Variants in BEGAIN observed in about 807,000 individuals in gnomAD.
BEGAIN encodes the protein brain-enriched guanylate kinase-associated protein.
In BEGAIN, 19 loss-of-function variants were observed where a neutral mutation model predicts 35.8. The observed-to-expected ratio is 0.53, with a 90% confidence interval of 0.37 to 0.78. The LOEUF (loss-of-function observed/expected upper bound fraction) is 0.78. Ranked by LOEUF, BEGAIN falls within the 30% of genes least tolerant of loss-of-function variation. The pLI is 0.00. For synonymous variants in BEGAIN, 462 were observed against 388.6 expected (o/e 1.19, Z -2.22); for missense variants, 795 against 853.6 (o/e 0.93, Z 0.85).
At chr14:100,556,349 C>A (rs975190132) in intron 2 of BEGAIN, among the ~76,000 whole-genome samples, 30 of 152,224 alleles carry the variant, frequency 2.0e-4, no homozygotes, top group African/African-American at 7.0e-4. Flanking sequence ...CGCTGCCCCC[C>A]TCTTTCTGCA....
At position 100,573,873 on chromosome 14, in the gene BEGAIN, C is replaced by T. The variant is rs1341481057; in HGVS notation, c.43-5934G>A. 6.6e-6 allele frequency among the ~76,000 whole-genome samples: 1 copy of T among 151,450 alleles called. No individual in the cohort carries two copies. The highest frequency in any genetic ancestry group is 2.4e-5 in the African/African-American group (1 of 41,176). Reference sequence around the variant, plus strand: ...CGGTGGGAGGCGACAGGGGCTGGGACAGAGCCCGGGACTCTGCCACTGTTG... The same window carrying T: ...CGGTGGGAGGCGACAGGGGCTGGGATAGAGCCCGGGACTCTGCCACTGTTG... On this transcript the variant is annotated intron_variant, in intron 1 of 6. Transcript: ENST00000554140. This position sits in a 1 kb window ranked among gnomAD's most constrained non-coding sequence, Gnocchi z 4.2.
chr14:100,547,036 C>T (rs1306693265), intron 2 of BEGAIN: 2 of 169,496 alleles, frequency 1.2e-5, no homozygotes, highest in East Asian at 3.1e-4. Flanking sequence ...CCCATCAGCA[C>T]CCAGGCTATC....
chr14:100,557,125 C>T (rs56995385), intron 2 of BEGAIN, among the ~76,000 whole-genome samples: 31 of 78,004 alleles, frequency 4.0e-4, no homozygotes, highest in African/African-American at 2.3e-3. Context: ...CAGCGCGGGC[C>T]CTGCCGGCCT....
Position 100,539,245 on chromosome 14 carries a change from A to C in BEGAIN, c.563T>G (p.Leu188Arg). The change falls in exon 7 of 7, where the codon CTC becomes CGC. Residue 188 changes from leucine to arginine, a missense_variant. Transcript: ENST00000554140. ...EKHGCSLPSPLCHPAYADSVP... is the reference protein window; with the variant it reads ...EKHGCSLPSPRCHPAYADSVP... ...GCTGTCGGCGTAGGCCGGGTGGCAG[A>C]GCGGGGATGGCAGGCTGCAGCCGTG... is the stretch of plus-strand genomic sequence containing the variant. 1 of 1,588,770 alleles carries C rather than the reference A, an allele frequency of 6.3e-7. No individual in the cohort carries two copies.
rs1269365899 is a variant in BEGAIN at position 100,573,098 on chromosome 14, G to T, written c.43-5159C>A. Among the ~76,000 whole-genome samples the T allele has an allele frequency of 4.0e-5, 6 of 151,730 alleles. No homozygotes were observed. Among genetic ancestry groups the T allele is most frequent in the Admixed American group, 1.3e-4 (2 of 15,236 alleles). ...TGGGGCAGGAAAGGGGTGCAGTGATGAACACAGAGGCCCGGATGAAGTGAG... is the reference window on the plus strand; with the variant it reads ...TGGGGCAGGAAAGGGGTGCAGTGATTAACACAGAGGCCCGGATGAAGTGAG... On this transcript the variant is annotated intron_variant, in intron 1 of 6. Coordinates refer to ENST00000554140, the MANE Select transcript of BEGAIN (RefSeq NM_001385089.1). The surrounding 1 kb of genome is among the most constrained non-coding windows in gnomAD (Gnocchi z 4.2).
At chr14:100,549,601 A>C (rs1208143968) in intron 2 of BEGAIN, 18 of 152,270 alleles carry the variant, frequency 1.2e-4, no homozygotes, top group Admixed American at 1.2e-3. Context: ...ACCGGGCAAT[A>C]ACCCGAGCCC....
At chr14:100,583,275 C>T (rs1422986484) in intron 1 of BEGAIN, among the ~76,000 whole-genome samples, 4 of 152,104 alleles carry the variant, frequency 2.6e-5, no homozygotes, top group African/African-American at 7.2e-5. Flanking sequence ...CGTCAATATA[C>T]ACTCATCACC....
At chr14:100,583,299 A>C (rs1375403838) in intron 1 of BEGAIN, among the ~76,000 whole-genome samples, 1 of 150,364 alleles carries the variant, frequency 6.7e-6, no homozygotes, top group African/African-American at 2.5e-5. Flanking sequence ...CCATGCACTC[A>C]CTCTTCCAGT....
At chr14:100,584,356 AG>A (rs1056697685) in intron 1 of BEGAIN, among the ~76,000 whole-genome samples, 3 of 152,172 alleles carry the variant, frequency 2.0e-5, no homozygotes, top group Non-Finnish European at 4.4e-5. Flanking sequence ...TGCTGAGGCA[AG>A]GGCCACTTTT....
At chr14:100,560,288 A>G (rs376777948) in intron 2 of BEGAIN, among the ~76,000 whole-genome samples, 1 of 152,182 alleles carries the variant, frequency 6.6e-6, no homozygotes, top group East Asian at 1.9e-4. Flanking sequence ...TGAGCTGACA[A>G]CCTCAGAGCT....
At chr14:100,540,635 C>A in intron 5 of BEGAIN, 56 bp from the exon 6 acceptor site, 1 of 1,404,962 alleles carries the variant, frequency 7.1e-7, no homozygotes, top group South Asian at 1.2e-5. Context: ...GCCCCGCCGC[C>A]CTGACCAGCG....
chr14:100,565,397 G>C (rs930818117), intron 2 of BEGAIN, among the ~76,000 whole-genome samples: 5 of 152,202 alleles, frequency 3.3e-5, no homozygotes, highest in Non-Finnish European at 5.9e-5. Flanking sequence ...CCAGGGAAGA[G>C]AGACCCCTCA....
intron 2 of BEGAIN, among the ~76,000 whole-genome samples, chr14:100,556,219 C>CCGGGATGACCTGGCTGGCCTGGCTGGAT: frequency 6.6e-6 from 1 of 152,080 alleles, no homozygotes; most frequent in African/African-American, 2.4e-5. Flanking sequence ...TTTGGATCCT[C>CCGGGATGACCTGGCTGGCCTGGCTGGAT]GACTCCGGGA....
At position 100,568,280 on chromosome 14, in the gene BEGAIN, A is replaced by T. The variant is rs1020202736; in HGVS notation, c.43-341T>A. On this transcript the variant is annotated intron_variant, in intron 1 of 6. Transcript: ENST00000554140. The surrounding 1 kb of genome is among the most constrained non-coding windows in gnomAD (Gnocchi z 7.5). ...AGGGGGACTCGGCCTGTCCCCGTTAACTCTCCGGCGGCCGCGGCCCCGCTG... is the reference window on the plus strand; with the variant it reads ...AGGGGGACTCGGCCTGTCCCCGTTATCTCTCCGGCGGCCGCGGCCCCGCTG... 1.5e-6 allele frequency: 1 copy of T among 688,686 alleles called. No individual in the cohort carries two copies. The highest frequency in any genetic ancestry group is 1.9e-5 in the African/African-American group (1 of 51,396). 42.7% of individuals were successfully genotyped at this position (688,686 alleles called of 1,614,324 possible).
Position 100,558,419 on chromosome 14 carries a change from C to A in BEGAIN, c.71+9492G>T, listed in dbSNP as rs903209338. 6.6e-6 allele frequency among the ~76,000 whole-genome samples: 1 copy of A among 152,188 alleles called. No homozygotes were observed. The highest frequency in any genetic ancestry group is 2.4e-5 in the African/African-American group (1 of 41,450). On this transcript the variant is annotated intron_variant, in intron 2 of 6. Coordinates refer to ENST00000554140, the MANE Select transcript of BEGAIN (RefSeq NM_001385089.1). This position sits in a 1 kb window ranked among gnomAD's most constrained non-coding sequence, Gnocchi z 4.6. ...TTCTCAGGCTCCTCTGTGGGGTGCT[C>A]CTCATCTCCTGGCCTCCTGGCACCA...
intron 1 of BEGAIN, among the ~76,000 whole-genome samples, 177 bp downstream of exon 1, chr14:100,587,072 G>A (rs2035460624): frequency 6.6e-6 from 1 of 151,410 alleles, no homozygotes; most frequent in Admixed American, 6.6e-5. Flanking sequence ...CAGGAGACCC[G>A]GCCCGGCTCC....
Position 100,568,458 on chromosome 14 carries a change from G to A in BEGAIN, c.43-519C>T, listed in dbSNP as rs765803983. ...CCTGACACTCACACAATCCGAGGGC[G>A]ATGGCATTTGGAGCCTCGACTCCTC... is the stretch of plus-strand genomic sequence containing the variant. On this transcript the variant is annotated intron_variant, in intron 1 of 6. Coordinates refer to ENST00000554140, the MANE Select transcript of BEGAIN (RefSeq NM_001385089.1). The surrounding 1 kb of genome is among the most constrained non-coding windows in gnomAD (Gnocchi z 7.5). 7.2e-5 allele frequency: 92 copies of A among 1,286,406 alleles called. 1 individual carries two copies. In the African/African-American group the frequency reaches 1.2e-3, roughly 16 times the overall value. The allele number at this position is 1,286,406 out of a possible 1,614,324, so 79.7% of individuals were successfully genotyped here. A position where few individuals can be genotyped will look rare whatever the true frequency, so the allele number is the denominator to read the frequency against.
chr14:100,554,914 C>T (rs563162106), intron 2 of BEGAIN, among the ~76,000 whole-genome samples: 3 of 151,712 alleles, frequency 2.0e-5, no homozygotes, highest in Admixed American at 6.5e-5. Flanking sequence ...CGCTGGCCTT[C>T]GGGCTGTGCA....
At position 100,573,562 on chromosome 14, in the gene BEGAIN, C is replaced by T. The variant is rs534116995; in HGVS notation, c.43-5623G>A. Among the ~76,000 whole-genome samples the T allele has an allele frequency of 1.7e-3, 257 of 152,150 alleles. No individual in the cohort carries two copies. The highest frequency in any genetic ancestry group is 5.9e-3 in the African/African-American group (245 of 41,514). On this transcript the variant is annotated intron_variant, in intron 1 of 6. Coordinates refer to ENST00000554140, the MANE Select transcript of BEGAIN (RefSeq NM_001385089.1). This position sits in a 1 kb window ranked among gnomAD's most constrained non-coding sequence, Gnocchi z 4.2. ...ACCCCAGGGCATCCAGCCAGGCCCA[C>T]GGGGCCTGGGGTGGAGGTGGGAGGG...
Sources: gnomAD v4.1 joint callset for allele counts (sites outside exome capture counted in the v4.1 genomes callset) on GRCh38, gnomAD v4.1.1 for gene constraint, Gnocchi (gnomAD v3.1) non-coding constraint, MANE v1.5 for transcripts, NCBI Gene and HGNC (gene_info 2026-07-23, HGNC 2026-07-21) for gene names.